Variants in SIPA1L2 observed in about 807,000 individuals in gnomAD.
The protein encoded by SIPA1L2 is signal-induced proliferation-associated 1-like protein 2.
Under a neutral mutation model 163.9 loss-of-function variants are expected in SIPA1L2, and 56 were observed. The ratio of observed to expected loss-of-function variants is 0.34; its 90% CI spans 0.28 to 0.43. The LOEUF (loss-of-function observed/expected upper bound fraction) is 0.43. Ranked by LOEUF, SIPA1L2 falls within the 20% of genes least tolerant of loss-of-function variation. The probability of loss-of-function intolerance (pLI) is 1.00; values close to 1 mark genes in which losing one functional copy is unlikely to be tolerated. For missense variants in SIPA1L2, 1,974 were observed against 2,193.5 expected (o/e 0.90, Z 2.00); for synonymous variants, 877 against 865.7 (o/e 1.01, Z -0.23).
intron 2 of SIPA1L2, among the ~76,000 whole-genome samples, chr1:232,555,170 C>A (rs996061472): frequency 2.0e-5 from 3 of 152,126 alleles, no homozygotes; most frequent in African/African-American, 7.2e-5. Flanking sequence ...CAAATGAAAC[C>A]ACCCAAACAT....
intron 3 of SIPA1L2, among the ~76,000 whole-genome samples, chr1:232,499,707 A>G (rs562423005): frequency 3.9e-5 from 6 of 152,254 alleles, no homozygotes; most frequent in Non-Finnish European, 7.3e-5. Context: ...CACACTTTCA[A>G]TACAGATGAA....
At chr1:232,487,430 G>A (rs913174963) in intron 5 of SIPA1L2, among the ~76,000 whole-genome samples, 1 of 152,132 alleles carries the variant, frequency 6.6e-6, no homozygotes, top group Admixed American at 6.6e-5. Flanking sequence ...TGATATTTGA[G>A]TAAACATATA....
chr1:232,490,932 C>T lies in SIPA1L2; in HGVS notation c.1748G>A (p.Arg583Gln), dbSNP rs1315824939. ...VIPELSIQCL[R>Q]QASNSPKVSE... ...GACCTTGGGTGAGTTGGAAGCCTGT[C>T]GCAAACACTGAATGCTCAGCTCTGG... Residue 583 changes from arginine to glutamine, a missense_variant, in exon 5 of 23, where the codon CGA becomes CAA. This residue lies in a region of SIPA1L2 where 288 missense variants were observed against 418.9 expected (regional missense o/e 0.69). Transcript: ENST00000674635. 3 of 1,614,014 alleles carry T rather than the reference C, an allele frequency of 1.9e-6. No individual in the cohort carries two copies. The highest frequency in any genetic ancestry group is 1.3e-5 in the African/African-American group (1 of 74,906).
intron 1 of SIPA1L2, among the ~76,000 whole-genome samples, chr1:232,612,384 G>C (rs947831757): frequency 6.6e-6 from 1 of 150,972 alleles, no homozygotes; most frequent in Admixed American, 6.6e-5. Flanking sequence ...TGCACCGTTC[G>C]CCTGGAAAAG....
At chr1:232,562,839 C>T (rs1448811666) in intron 2 of SIPA1L2, among the ~76,000 whole-genome samples, 1 of 152,130 alleles carries the variant, frequency 6.6e-6, no homozygotes, top group Non-Finnish European at 1.5e-5. Context: ...TTCCCCTTAG[C>T]ACCACTAACT....
Position 232,398,992 on chromosome 1 carries a change from G to A in SIPA1L2, c.*135C>T, listed in dbSNP as rs1407416568. 2 of 1,220,500 alleles carry A rather than the reference G, an allele frequency of 1.6e-6. No individual in the cohort carries two copies. The highest frequency in any genetic ancestry group is 2.3e-6 in the Non-Finnish European group (2 of 877,848). 75.6% of individuals were successfully genotyped at this position (1,220,500 alleles called of 1,614,324 possible). Reference sequence around the variant, plus strand: ...GAGTCGAGGCTCCCTATCCTGCTGTGGTGAATGGTGCTACACAGAATGGAA... The same window carrying A: ...GAGTCGAGGCTCCCTATCCTGCTGTAGTGAATGGTGCTACACAGAATGGAA... On this transcript the variant is annotated 3_prime_UTR_variant, in exon 23 of 23. Transcript: ENST00000674635.
intron 15 of SIPA1L2, among the ~76,000 whole-genome samples, chr1:232,438,257 A>G (rs1009017759): frequency 1.3e-5 from 2 of 152,162 alleles, no homozygotes; most frequent in African/African-American, 4.8e-5. Context: ...TCCCATTCTT[A>G]GTTCATCTGA....
intron 2 of SIPA1L2, among the ~76,000 whole-genome samples, chr1:232,561,973 C>T (rs147112723): frequency 7.2e-5 from 11 of 152,320 alleles, no homozygotes; most frequent in African/African-American, 2.4e-4. Flanking sequence ...AGCCAACCAC[C>T]TGATGGGTCC....
At chr1:232,592,164 T>TAC (rs756731847) in intron 1 of SIPA1L2, among the ~76,000 whole-genome samples, 64 of 152,290 alleles carry the variant, frequency 4.2e-4, no homozygotes, top group South Asian at 2.3e-3. Context: ...TATCAATTCT[T>TAC]ACACACACAC....
rs778538734 is a variant in SIPA1L2, at chr1:232,515,236, G to C, written c.104C>G (p.Ala35Gly). The change falls in exon 3 of 23, where the codon GCT becomes GGT. Residue 35 changes from alanine to glycine, a missense_variant. Ala to Gly is a moderately conservative substitution (Grantham distance 60). Transcript: ENST00000674635. ...GCCATTAATGGCTTTAAATTTCCGA[G>C]CAAAATAATCATCTGACTGCATGAT... ...PRIMQSDDYF[A>G]RKFKAINGNM... The C allele has an allele frequency of 2.5e-6, 4 of 1,614,108 alleles. No homozygotes were observed. The highest frequency in any genetic ancestry group is 3.4e-6 in the Non-Finnish European group (4 of 1,180,016).
intron 6 of SIPA1L2, among the ~76,000 whole-genome samples, chr1:232,482,980 G>A (rs1172809200): frequency 2.0e-5 from 3 of 152,138 alleles, no homozygotes; most frequent in African/African-American, 4.8e-5. Context: ...TTGATAATAA[G>A]CAGAATTTTC....
At chr1:232,484,798 C>G (rs900777915) in intron 5 of SIPA1L2, among the ~76,000 whole-genome samples, 2 of 152,176 alleles carry the variant, frequency 1.3e-5, no homozygotes, top group Admixed American at 6.5e-5. Flanking sequence ...AATCAGAGCT[C>G]TTAATCTTAC....
chr1:232,605,364 G>A (rs1573162820), intron 1 of SIPA1L2, among the ~76,000 whole-genome samples: 1 of 152,274 alleles, frequency 6.6e-6, no homozygotes, highest in East Asian at 1.9e-4. Context: ...ATATCACAGT[G>A]AACAAACCAT....
At chr1:232,531,709 G>A (rs1301358186) in intron 2 of SIPA1L2, among the ~76,000 whole-genome samples, 2 of 152,184 alleles carry the variant, frequency 1.3e-5, no homozygotes, top group African/African-American at 4.8e-5. Flanking sequence ...AATTTGGGTA[G>A]GGTCTACATA....
rs747393910 is a variant in SIPA1L2 at position 232,425,624 on chromosome 1, C to A, written c.4595G>T (p.Arg1532Leu). The change falls in exon 18 of 23, where the codon CGG becomes CTG. Residue 1532 changes from arginine (R) to leucine (L), a missense_variant. By Grantham distance (102) the Arg-to-Leu change is moderately radical. This residue lies in a region of SIPA1L2 where 1,079 missense variants were observed against 1,150.7 expected (regional missense o/e 0.94). Coordinates refer to ENST00000674635, the MANE Select transcript of SIPA1L2 (RefSeq NM_020808.5). The part of the protein sequence containing the change: ...TPPYHSTLPP[R>L]AHPAPSMGSL... ...CCCCATGCTGGGTGCGGGGTGGGCC[C>A]GCGGAGGCAGCGTGCTGTGGTAGGG... The A allele has an allele frequency of 1.2e-6, 2 of 1,608,492 alleles. No homozygotes were observed. The highest frequency in any genetic ancestry group is 4.5e-5 in the East Asian group (2 of 44,792).
At chr1:232,554,339 G>C (rs1376295087) in intron 2 of SIPA1L2, among the ~76,000 whole-genome samples, 1 of 152,178 alleles carries the variant, frequency 6.6e-6, no homozygotes, top group East Asian at 1.9e-4. Flanking sequence ...ACAATACAAA[G>C]AAGAAGGGCT....
intron 8 of SIPA1L2, among the ~76,000 whole-genome samples, chr1:232,466,189 G>A (rs986724104): frequency 6.6e-6 from 1 of 152,120 alleles, no homozygotes; most frequent in Non-Finnish European, 1.5e-5. Flanking sequence ...TTTAGCCCAC[G>A]TTAGCTGCAT....
intron 1 of SIPA1L2, among the ~76,000 whole-genome samples, chr1:232,614,533 G>C (rs1321794459): frequency 6.6e-6 from 1 of 152,228 alleles, no homozygotes; most frequent in Non-Finnish European, 1.5e-5. Flanking sequence ...ATCTGCAGCT[G>C]CTTAGCCGCA....
At chr1:232,623,874 A>G (rs1444718187) in intron 1 of SIPA1L2, among the ~76,000 whole-genome samples, 2 of 151,964 alleles carry the variant, frequency 1.3e-5, no homozygotes, top group African/African-American at 4.8e-5. Flanking sequence ...TAGAAATTCC[A>G]TTTCTCAACT....
Sources: gnomAD v4.1 joint callset for allele counts (sites outside exome capture counted in the v4.1 genomes callset) on GRCh38, gnomAD v4.1.1 for gene constraint, gnomAD v4.1.1 regional missense constraint, MANE v1.5 for transcripts, NCBI Gene and HGNC (gene_info 2026-07-23, HGNC 2026-07-21) for gene names.